The following LMAN2L variants were observed in gnomAD, a reference collection of about 807,000 sequenced individuals.
LMAN2L encodes the protein lectin, mannose binding 2 like, also known as VIP36-like protein.
LMAN2L carries 30 observed loss-of-function variants against 44.3 expected under a neutral mutation model. That is an observed-to-expected ratio of 0.68 (90% CI 0.51 to 0.92). The LOEUF (loss-of-function observed/expected upper bound fraction) is 0.92, where lower values mean the gene tolerates loss of function less well. LMAN2L is among the 40% of genes least tolerant of loss of function. LMAN2L has a pLI of 0.00. For missense variants in LMAN2L, 429 were observed against 446.1 expected (o/e 0.96, Z 0.35); for synonymous variants, 183 against 171.1 (o/e 1.07, Z -0.54).
At chr2:96,732,133 G>T (rs570433005) in intron 4 of LMAN2L, among the ~76,000 whole-genome samples, 2 of 151,852 alleles carry the variant, frequency 1.3e-5, no homozygotes, top group African/African-American at 2.4e-5. Flanking sequence ...GATTACAGGC[G>T]TGAGCCACCA....
rs997931445 is a variant in LMAN2L at position 96,707,791 on chromosome 2, A to G, written c.827T>C (p.Val276Ala). ...VISLKLFELT[V>A]ERTPEEEKLH... ...CTTTTCCTCTTCTGGGGTTCTCTCC[A>G]CTGTCAGTTCAAACAACTTCAAGGA... Residue 276 changes from valine to alanine, a missense_variant, in exon 7 of 8, where the codon GTG (valine) becomes GCG (alanine). Val to Ala is a moderately conservative substitution (Grantham distance 64, BLOSUM62 0). Coordinates refer to ENST00000264963, the MANE Select transcript of LMAN2L (RefSeq NM_030805.4). The G allele has an allele frequency of 1.6e-5, 26 of 1,613,784 alleles. No individual in the cohort carries two copies. Among genetic ancestry groups the G allele is most frequent in the Non-Finnish European group, 2.1e-5 (25 of 1,179,792 alleles).
chr2:96,727,709 C>A (rs190901719), intron 4 of LMAN2L, among the ~76,000 whole-genome samples: 19 of 152,340 alleles, frequency 1.2e-4, no homozygotes, highest in African/African-American at 3.4e-4. Flanking sequence ...AATGTTTTTA[C>A]CACTGTCTTG....
In LMAN2L at chr2:96,734,529, A is replaced by T; in HGVS notation, c.307-3T>A. On this transcript the variant is annotated splice_polypyrimidine_tract_variant and splice_region_variant and intron_variant, in intron 2 of 7. Transcript: ENST00000264963. The stretch of plus-strand genomic sequence containing the variant: ...TCCCAGTCTCTCAGGAAACATGGCT[A>T]AAGTGAGAAAGACATTAGAATCAAT... 1 of 1,553,464 alleles carries T rather than the reference A, an allele frequency of 6.4e-7. No homozygotes were observed. The highest frequency in any genetic ancestry group is 8.9e-7 in the Non-Finnish European group (1 of 1,124,536).
In LMAN2L at chr2:96,721,365, C is replaced by T. The variant is rs1464129006; in HGVS notation, c.508-9340G>A. Among the ~76,000 whole-genome samples the T allele has an allele frequency of 2.6e-5, 3 of 117,016 alleles. No homozygotes were observed. The East Asian group carries it at 7.9e-4, about 31-fold the overall frequency. 76.8% of individuals were successfully genotyped at this position (117,016 alleles called of 152,430 possible). On this transcript the variant is annotated intron_variant, in intron 4 of 7. Transcript: ENST00000264963. ...TTTTTTTTTTTGAGACAGGGTCTTGCTATGTCACCCAGGCTGGAGTGCAGT... is the reference window on the plus strand; with the variant it reads ...TTTTTTTTTTTGAGACAGGGTCTTGTTATGTCACCCAGGCTGGAGTGCAGT...
intron 4 of LMAN2L, among the ~76,000 whole-genome samples, chr2:96,730,314 T>C (rs962518848): frequency 1.3e-5 from 2 of 152,202 alleles, no homozygotes; most frequent in African/African-American, 2.4e-5. Flanking sequence ...AATCCAGTCA[T>C]GATCCTCTCT....
chr2:96,731,158 T>C (rs6576982), intron 4 of LMAN2L, among the ~76,000 whole-genome samples: 1 of 151,982 alleles, frequency 6.6e-6, no homozygotes, highest in Non-Finnish European at 1.5e-5. Flanking sequence ...TGCCCCAGAG[T>C]TCCCCCATCA....
chr2:96,718,283 G>A (rs2078082309), intron 4 of LMAN2L, among the ~76,000 whole-genome samples: 1 of 152,028 alleles, frequency 6.6e-6, no homozygotes, highest in East Asian at 1.9e-4. Flanking sequence ...TTAATCATAA[G>A]CACAAAATTA....
intron 6 of LMAN2L, 102 bp from the exon 7 acceptor site, chr2:96,707,935 C>G (rs2077821814): frequency 1.7e-6 from 2 of 1,198,746 alleles, no homozygotes; most frequent in South Asian, 2.8e-5. Context: ...AGCTAACCAG[C>G]AGTGACCTTG....
At chr2:96,738,304 G>C (rs1210042252) in intron 1 of LMAN2L, among the ~76,000 whole-genome samples, 1 of 152,148 alleles carries the variant, frequency 6.6e-6, no homozygotes, top group Non-Finnish European at 1.5e-5. Flanking sequence ...AGTAACCATA[G>C]CTCACATCCA....
chr2:96,734,554 TGAG>T (rs1257029539), intron 2 of LMAN2L, 28 bp from the exon 3 acceptor site: 2 of 1,421,320 alleles, frequency 1.4e-6, no homozygotes, highest in African/African-American at 2.8e-5. Flanking sequence ...TTAGAATCAA[TGAG>T]GAGCATGAAA....
chr2:96,734,741 C>T, intron 2 of LMAN2L: 1 of 550,196 alleles, frequency 1.8e-6, no homozygotes, highest in Non-Finnish European at 3.2e-6. Flanking sequence ...AATGAATAAA[C>T]CTCCCGATTA....
intron 6 of LMAN2L, among the ~76,000 whole-genome samples, chr2:96,711,159 A>G (rs765050266): frequency 2.0e-5 from 3 of 152,226 alleles, no homozygotes; most frequent in African/African-American, 4.8e-5. Context: ...GTGTTAGTGT[A>G]CTAGCAAGAT....
chr2:96,711,524 GGAGA>G, intron 6 of LMAN2L, 128 bp downstream of exon 6: 1 of 628,712 alleles, frequency 1.6e-6, no homozygotes, highest in Non-Finnish European at 2.9e-6. Context: ...GAATGCAGAA[GGAGA>G]AGCAGTCTTG....
At chr2:96,711,836 C>A (rs201804010) in intron 5 of LMAN2L, 28 bp downstream of exon 5, 2 of 1,613,628 alleles carry the variant, frequency 1.2e-6, no homozygotes, top group South Asian at 2.2e-5. Context: ...GCCCACACCA[C>A]CATCTGGTCC....
chr2:96,708,537 T>C (rs1284929673), intron 6 of LMAN2L, among the ~76,000 whole-genome samples: 1 of 152,226 alleles, frequency 6.6e-6, no homozygotes, highest in African/African-American at 2.4e-5. Context: ...AATTAAAAAA[T>C]TTGGAGATAA....
At chr2:96,725,301 T>A (rs1325279230) in intron 4 of LMAN2L, among the ~76,000 whole-genome samples, 2 of 152,102 alleles carry the variant, frequency 1.3e-5, no homozygotes, top group African/African-American at 4.8e-5. Flanking sequence ...GATCTTGCTG[T>A]GGTGCCCAGG....
intron 4 of LMAN2L, among the ~76,000 whole-genome samples, chr2:96,729,000 A>G (rs1317811511): frequency 1.3e-5 from 2 of 151,896 alleles, no homozygotes; most frequent in Non-Finnish European, 2.9e-5. Context: ...GTGAAACCCC[A>G]TGTCTACTAA....
At position 96,734,501 on chromosome 2, in the gene LMAN2L, A is replaced by G; in HGVS notation, c.332T>C (p.Leu111Ser). 2 of 1,612,488 alleles carry G rather than the reference A, an allele frequency of 1.2e-6. No homozygotes were observed. The highest frequency in any genetic ancestry group is 1.7e-6 in the Non-Finnish European group (2 of 1,178,484). ...RVPCFLRDWE[L>S]QVHFKIHGQG... ...TCCATGGATTTTGAAGTGCACCTGC[A>G]ACTCCCAGTCTCTCAGGAAACATGG... The change falls in exon 3 of 8, where the codon TTG (leucine) becomes TCG (serine). Residue 111 changes from leucine to serine, a missense_variant. Physicochemically the swap from Leu to Ser is moderately radical, Grantham distance 145 (BLOSUM62 -2). Coordinates refer to ENST00000264963, the MANE Select transcript of LMAN2L (RefSeq NM_030805.4).
intron 6 of LMAN2L, among the ~76,000 whole-genome samples, chr2:96,709,016 G>C (rs939687540): frequency 4.1e-5 from 6 of 145,346 alleles, no homozygotes; most frequent in Non-Finnish European, 7.4e-5. Context: ...CCAGGTTCAA[G>C]CAATTCCCCT....
Sources: gnomAD v4.1 joint callset for allele counts (sites outside exome capture counted in the v4.1 genomes callset) on GRCh38, gnomAD v4.1.1 for gene constraint, MANE v1.5 for transcripts, NCBI Gene and HGNC (gene_info 2026-07-23, HGNC 2026-07-21) for gene names.